TRMT11: variants seen among roughly 807,000 people sequenced by gnomAD.
TRMT11 encodes tRNA methyltransferase 11.
Under a neutral mutation model 62.8 loss-of-function variants are expected in TRMT11, and 53 were observed. The observed-to-expected ratio is 0.84, with a 90% CI of 0.68 to 1.06. TRMT11 has a LOEUF of 1.06. TRMT11 is among the 50% of genes least tolerant of loss of function. The probability of loss-of-function intolerance (pLI) is 0.00; values close to 1 mark genes in which losing one functional copy is unlikely to be tolerated. For missense variants in TRMT11, 556 were observed against 553.4 expected, an observed-to-expected ratio of 1.00 and a Z score of -0.05; for synonymous variants, 188 against 190.3, an observed-to-expected ratio of 0.99 and a Z score of 0.10.
At chr6:126,249,924 G>A in the TRMT11 span, among the ~76,000 whole-genome samples, 33 of 152,090 alleles carry the variant, frequency 2.2e-4, no homozygotes, top group African/African-American at 7.5e-4. Flanking sequence ...AGTTTGGATA[G>A]GAAATGTTAA....
the TRMT11 span, among the ~76,000 whole-genome samples, chr6:126,238,604 A>G: frequency 6.6e-6 from 1 of 152,024 alleles, no homozygotes; most frequent in African/African-American, 2.4e-5. Flanking sequence ...GTTCTTTTAC[A>G]TTTGCTGAGG....
chr6:126,226,539 T>A, the TRMT11 span, among the ~76,000 whole-genome samples: 1 of 152,206 alleles, frequency 6.6e-6, no homozygotes, highest in Non-Finnish European at 1.5e-5. Context: ...TAATAATTTC[T>A]ATATGGAAAT....
intron 17 of TRMT11, among the ~76,000 whole-genome samples, chr6:126,108,099 T>A (rs550270286): frequency 6.6e-6 from 1 of 152,346 alleles, no homozygotes; most frequent in Admixed American, 6.5e-5. Flanking sequence ...CCTATCTTTT[T>A]AAAGTCTTCC....
intron 18 of TRMT11, among the ~76,000 whole-genome samples, chr6:126,114,123 T>C (rs1305172119): frequency 6.6e-6 from 1 of 152,136 alleles, no homozygotes; most frequent in Admixed American, 6.6e-5. Context: ...CATTGTTGCA[T>C]GAAACTTGAA....
the TRMT11 span, among the ~76,000 whole-genome samples, chr6:126,266,823 C>T: frequency 6.6e-6 from 1 of 152,100 alleles, no homozygotes; most frequent in Non-Finnish European, 1.5e-5. Flanking sequence ...ACAATGACTG[C>T]CTGTCATGCT....
At chr6:126,269,987 C>A in the TRMT11 span, among the ~76,000 whole-genome samples, 3 of 151,954 alleles carry the variant, frequency 2.0e-5, no homozygotes, top group Non-Finnish European at 4.4e-5. Context: ...TTTGTGTACA[C>A]CTTTGACATT....
chr6:126,037,586 A>G (rs1775422904), intron 12 of TRMT11, among the ~76,000 whole-genome samples: 1 of 152,026 alleles, frequency 6.6e-6, no homozygotes, highest in Admixed American at 6.6e-5. Flanking sequence ...GAATCAGGAA[A>G]TCTGGGCATG....
At chr6:126,237,419 T>A in the TRMT11 span, among the ~76,000 whole-genome samples, 14 of 152,244 alleles carry the variant, frequency 9.2e-5, no homozygotes, top group African/African-American at 3.1e-4. Flanking sequence ...GTGGCTCACA[T>A]CTATAATCCT....
At chr6:126,082,195 C>G (rs944968501) in intron 17 of TRMT11, among the ~76,000 whole-genome samples, 1 of 152,040 alleles carries the variant, frequency 6.6e-6, no homozygotes, top group East Asian at 1.9e-4. Flanking sequence ...TATGCCGATA[C>G]CACCGAAAGT....
intron 12 of TRMT11, among the ~76,000 whole-genome samples, 182 bp from the exon 13 acceptor site, chr6:126,038,523 T>C (rs1372199729): frequency 1.3e-5 from 2 of 151,932 alleles, no homozygotes; most frequent in Non-Finnish European, 2.9e-5. Flanking sequence ...GAAAACACTT[T>C]GGATATCCAA....
Position 126,034,333 on chromosome 6 carries a change from GT to G in TRMT11, c.1261-4369del, listed in dbSNP as rs111986371. Among the ~76,000 whole-genome samples, 1,258 of 152,232 alleles carry G rather than the reference GT, an allele frequency of 8.3e-3. 11 individuals carry two copies. Among genetic ancestry groups the G allele is most frequent in the African/African-American group, 0.028 (1,158 of 41,530 alleles). On this transcript the variant is annotated intron_variant, in intron 12 of 12. Transcript: ENST00000334379. ...TTAAATAATTATGTAATAACACATA[GT>G]TTGGTAGGAAATATATCTTCCTTTC...
chr6:126,214,790 C>G, the TRMT11 span, among the ~76,000 whole-genome samples: 1 of 151,500 alleles, frequency 6.6e-6, no homozygotes, highest in Non-Finnish European at 1.5e-5. Flanking sequence ...TTGGTTTGCT[C>G]TTGCTTTTCT....
At chr6:126,142,839 C>T (rs1234058941) in intron 21 of TRMT11, among the ~76,000 whole-genome samples, 1 of 151,936 alleles carries the variant, frequency 6.6e-6, no homozygotes, top group Non-Finnish European at 1.5e-5. Flanking sequence ...CTTGGTAGTT[C>T]CCATAAATGT....
At chr6:126,043,879 TTG>T (rs1775961793), downstream of TRMT11, among the ~76,000 whole-genome samples, 1 of 152,232 alleles carries the variant, frequency 6.6e-6, no homozygotes, top group Non-Finnish European at 1.5e-5. Flanking sequence ...TTCATATCCT[TTG>T]CCCACTTTTT....
intron 21 of TRMT11, among the ~76,000 whole-genome samples, chr6:126,117,247 T>C (rs1777600087): frequency 1.3e-5 from 2 of 152,140 alleles, no homozygotes; most frequent in South Asian, 4.1e-4. Flanking sequence ...ATGAGATCTT[T>C]ATTTCTTGTT....
intron 16 of TRMT11, among the ~76,000 whole-genome samples, chr6:126,051,681 G>A (rs931597927): frequency 2.0e-5 from 3 of 152,182 alleles, no homozygotes; most frequent in Non-Finnish European, 2.9e-5. Flanking sequence ...TTGGGAACCA[G>A]ATGAGGAGTC....
intron 17 of TRMT11, among the ~76,000 whole-genome samples, chr6:126,070,930 T>A (rs934914644): frequency 6.6e-6 from 1 of 152,194 alleles, no homozygotes; most frequent in Non-Finnish European, 1.5e-5. Context: ...CACTACGCCA[T>A]TCGCTGTGCC....
intron 1 of TRMT11, 38 bp downstream of exon 1, chr6:125,986,660 A>G (rs1232948087): frequency 6.5e-7 from 1 of 1,547,062 alleles, no homozygotes; most frequent in South Asian, 1.2e-5. Flanking sequence ...CCGACGGAAG[A>G]GGACGCTGGA....
the TRMT11 span, among the ~76,000 whole-genome samples, chr6:126,257,681 C>A: frequency 1.3e-5 from 2 of 152,020 alleles, no homozygotes; most frequent in Non-Finnish European, 2.9e-5. Context: ...TTTTTAGCTG[C>A]ACCAAAGGCA....
Sources: allele counts gnomAD v4.1 joint callset (sites outside exome capture counted in the v4.1 genomes callset), GRCh38; gene constraint gnomAD v4.1.1; transcripts MANE v1.5; gene names NCBI Gene and HGNC (gene_info 2026-07-23, HGNC 2026-07-21).